Variants in EXOC6 observed in about 807,000 individuals in gnomAD.
EXOC6 encodes the protein exocyst complex component 6.
EXOC6 carries 60 observed loss-of-function variants against 112.5 expected under a neutral mutation model. The observed-to-expected ratio is 0.53, with a 90% CI of 0.43 to 0.66. The LOEUF (loss-of-function observed/expected upper bound fraction) is 0.66, where lower values mean the gene tolerates loss of function less well. EXOC6 is among the 30% of genes least tolerant of loss of function. The pLI, the probability that EXOC6 is intolerant of heterozygous loss-of-function variation, is 0.00. For missense variants in EXOC6, 855 were observed against 957.1 expected, an observed-to-expected ratio of 0.89 and a Z score of 1.41; for synonymous variants, 295 against 308.0, an observed-to-expected ratio of 0.96 and a Z score of 0.44.
At chr10:92,949,118 A>G (rs1353246751) in intron 14 of EXOC6, among the ~76,000 whole-genome samples, 4 of 152,156 alleles carry the variant, frequency 2.6e-5, no homozygotes, top group African/African-American at 9.7e-5. Context: ...TCACTTTTGT[A>G]TTCTCTTTAT....
chr10:92,997,472 A>G lies in EXOC6; in HGVS notation c.1954-2A>G, dbSNP rs1190385877. On this transcript the variant is annotated splice_acceptor_variant, in intron 18 of 21. Transcript: ENST00000260762. LOFTEE classifies it high-confidence loss of function. The stretch of plus-strand genomic sequence containing the variant: ...GATTTTTGGTTTGATTGTTTTAAAC[A>G]GGGGAAAGTTGCTCAGACAGCTTGC... The G allele has an allele frequency of 6.2e-7, 1 of 1,601,926 alleles. No homozygotes were observed. Among genetic ancestry groups the G allele is most frequent in the Non-Finnish European group, 8.5e-7 (1 of 1,173,354 alleles).
At chr10:92,971,266 G>C (rs950605230) in intron 17 of EXOC6, among the ~76,000 whole-genome samples, 9 of 152,194 alleles carry the variant, frequency 5.9e-5, no homozygotes, top group Admixed American at 2.0e-4. Flanking sequence ...GGATGGTCTT[G>C]ATCTCCTGAC....
intron 19 of EXOC6, among the ~76,000 whole-genome samples, chr10:93,002,847 T>C (rs2134197395): frequency 6.6e-6 from 1 of 152,322 alleles, no homozygotes; most frequent in African/African-American, 2.4e-5. Context: ...TAAATCCGTA[T>C]TGACTCATAG....
chr10:93,035,990 G>T (rs1020008429), intron 20 of EXOC6, among the ~76,000 whole-genome samples: 1 of 152,194 alleles, frequency 6.6e-6, no homozygotes, highest in African/African-American at 2.4e-5. Flanking sequence ...GGAGGCCGAG[G>T]CGGGCAGATC....
chr10:92,991,435 C>CAAAAAAAAA (rs1449664701), intron 18 of EXOC6, among the ~76,000 whole-genome samples: 1 of 48,844 alleles, frequency 2.0e-5, no homozygotes, highest in Admixed American at 2.2e-4. Flanking sequence ...GACTCCATCT[C>CAAAAAAAAA]AAAAAAAAAA....
intron 8 of EXOC6, among the ~76,000 whole-genome samples, chr10:92,925,894 CT>C (rs1851688763): frequency 6.6e-6 from 1 of 151,998 alleles, no homozygotes; most frequent in African/African-American, 2.4e-5. Flanking sequence ...AACTCCTGGC[CT>C]TGAGCAATCC....
intron 20 of EXOC6, among the ~76,000 whole-genome samples, chr10:93,019,341 T>C (rs1170060482): frequency 6.6e-6 from 1 of 152,216 alleles, no homozygotes; most frequent in African/African-American, 2.4e-5. Context: ...TGTTTTGTTT[T>C]CCAGAGCCAA....
intron 6 of EXOC6, among the ~76,000 whole-genome samples, chr10:92,912,450 A>G (rs1239767845): frequency 6.6e-6 from 1 of 152,088 alleles, no homozygotes; most frequent in Non-Finnish European, 1.5e-5. Flanking sequence ...TGGATATACC[A>G]GCATTTATTA....
intron 17 of EXOC6, among the ~76,000 whole-genome samples, chr10:92,971,287 A>G (rs1173908703): frequency 6.6e-6 from 1 of 151,492 alleles, no homozygotes; most frequent in Non-Finnish European, 1.5e-5. Context: ...CCCGTGATTC[A>G]CCCGCCTTGG....
At chr10:92,963,644 T>C (rs1038353017) in intron 17 of EXOC6, among the ~76,000 whole-genome samples, 4 of 151,880 alleles carry the variant, frequency 2.6e-5, no homozygotes, top group African/African-American at 9.7e-5. Flanking sequence ...CGTACCATCT[T>C]ACCTGGCCGA....
chr10:92,939,224 T>C (rs1297367983), intron 12 of EXOC6, among the ~76,000 whole-genome samples: 1 of 151,980 alleles, frequency 6.6e-6, no homozygotes, highest in African/African-American at 2.4e-5. Context: ...ATCTGGGAAA[T>C]AGAGATGGTT....
intron 20 of EXOC6, among the ~76,000 whole-genome samples, chr10:93,052,596 A>T (rs1249806852): frequency 2.0e-5 from 3 of 152,220 alleles, no homozygotes; most frequent in African/African-American, 7.2e-5. Flanking sequence ...TTGGAATACT[A>T]ATTTCAGATA....
At chr10:93,050,183 T>C (rs1846215110) in intron 20 of EXOC6, among the ~76,000 whole-genome samples, 1 of 152,180 alleles carries the variant, frequency 6.6e-6, no homozygotes, top group African/African-American at 2.4e-5. Flanking sequence ...TCATATGTGA[T>C]AGCTGTAAAA....
chr10:93,049,203 G>T (rs1196508525), intron 20 of EXOC6, among the ~76,000 whole-genome samples: 1 of 151,972 alleles, frequency 6.6e-6, no homozygotes, highest in Admixed American at 6.6e-5. Context: ...GACTACAGGT[G>T]CCTGCCACCA....
At chr10:92,843,538 T>C (rs1229095123), upstream of EXOC6, among the ~76,000 whole-genome samples, 2 of 152,174 alleles carry the variant, frequency 1.3e-5, no homozygotes, top group African/African-American at 2.4e-5. Context: ...TTTTTGTAAA[T>C]GTGTACCCTA....
intron 15 of EXOC6, among the ~76,000 whole-genome samples, chr10:92,953,113 C>T (rs972419049): frequency 1.3e-5 from 2 of 152,142 alleles, no homozygotes; most frequent in African/African-American, 2.4e-5. Flanking sequence ...GGAACTCACT[C>T]TGTTGCCCAG....
rs889557385 is a variant in EXOC6 at position 92,921,349 on chromosome 10, AT to A, written c.888+1301del. On this transcript the variant is annotated intron_variant, in intron 8 of 21. Transcript: ENST00000260762. The stretch of plus-strand genomic sequence containing the variant: ...AACCTCCGCCTCCTGGGTTCAAGTG[AT>A]TCTCCTGCCTCAGCCTCCCAAGTAG... Among the ~76,000 whole-genome samples the A allele has an allele frequency of 1.2e-4, 17 of 145,502 alleles. 1 individual carries two copies. Among genetic ancestry groups the A allele is most frequent in the Admixed American group, 2.9e-4 (4 of 13,972 alleles).
At chr10:93,009,437 C>T (rs116730990) in intron 19 of EXOC6, among the ~76,000 whole-genome samples, 213 of 152,162 alleles carry the variant, frequency 1.4e-3, no homozygotes, top group African/African-American at 4.8e-3. Context: ...TCAGGCATTG[C>T]GCTAGGTGAT....
chr10:92,948,564 T>TACTGCTACC (rs1554900765), intron 14 of EXOC6, among the ~76,000 whole-genome samples, 185 bp downstream of exon 14: 1 of 125,754 alleles, frequency 8.0e-6, no homozygotes, highest in Admixed American at 8.7e-5. Context: ...TTACTACTAC[T>TACTGCTACC]ACTACTACCA....
Sources: gnomAD v4.1 joint callset for allele counts (sites outside exome capture counted in the v4.1 genomes callset) on GRCh38, gnomAD v4.1.1 for gene constraint, MANE v1.5 for transcripts, NCBI Gene and HGNC (gene_info 2026-07-23, HGNC 2026-07-21) for gene names.